PCSK5: variants seen among roughly 807,000 people sequenced by gnomAD.
PCSK5 encodes proprotein convertase subtilisin/kexin type 5, also known as prohormone convertase 5.
A neutral mutation model predicts 233.2 loss-of-function variants in PCSK5; 129 were observed. The observed-to-expected ratio is 0.55, with a 90% CI of 0.48 to 0.64. The LOEUF (loss-of-function observed/expected upper bound fraction) is 0.64. PCSK5 is among the 30% of genes least tolerant of loss of function. PCSK5 has a pLI of 0.00. For synonymous variants in PCSK5, 825 were observed against 879.2 expected (o/e 0.94, Z 1.09); for missense variants, 2,076 against 2,430.1 (o/e 0.85, Z 3.06).
At chr9:76,068,082 A>G in intron 6 of PCSK5, 39 bp downstream of exon 6, 5 of 1,429,874 alleles carry the variant, frequency 3.5e-6, no homozygotes, top group Non-Finnish European at 4.9e-6. Flanking sequence ...GAAATGCGCC[A>G]GTTAGCTCTT....
chr9:76,059,487 T>G (rs1829949929), intron 5 of PCSK5, among the ~76,000 whole-genome samples: 1 of 152,192 alleles, frequency 6.6e-6, no homozygotes, highest in African/African-American at 2.4e-5. Context: ...TTTTTATGGT[T>G]TTAGGTCTAA....
chr9:76,089,370 C>T (rs557713077), intron 7 of PCSK5, among the ~76,000 whole-genome samples: 6 of 152,224 alleles, frequency 3.9e-5, no homozygotes, highest in Admixed American at 1.3e-4. Context: ...CTCTTCAAGT[C>T]GACATATACA....
intron 9 of PCSK5, among the ~76,000 whole-genome samples, chr9:76,133,435 G>A (rs550257301): frequency 6.6e-6 from 1 of 152,072 alleles, no homozygotes; most frequent in South Asian, 2.1e-4. Context: ...TCTCTTTTGT[G>A]TTCTTCAGTG....
rs377253223 is a variant in PCSK5 at position 76,291,676 on chromosome 9, G to A, written c.3143-557G>A. Reference sequence around the variant, plus strand: ...AACCCTTCTGTGAGCCAGCAGGGATGCATTGAATCATTACTCTTAATGAGA... The same window carrying A: ...AACCCTTCTGTGAGCCAGCAGGGATACATTGAATCATTACTCTTAATGAGA... On this transcript the variant is annotated intron_variant, in intron 24 of 37. Coordinates refer to ENST00000674117, the MANE Select transcript of PCSK5 (RefSeq NM_001372043.1). Among the ~76,000 whole-genome samples the A allele has an allele frequency of 2.2e-4, 34 of 152,354 alleles. No homozygotes were observed. In the East Asian group the frequency reaches 4.6e-3, roughly 21 times the overall value.
intron 2 of PCSK5, among the ~76,000 whole-genome samples, chr9:75,939,994 A>G (rs1363839849): frequency 2.0e-5 from 3 of 152,182 alleles, no homozygotes; most frequent in South Asian, 2.1e-4. Flanking sequence ...AGCTATTCAT[A>G]TAACATTACT....
chr9:76,235,979 C>T (rs1826240988), intron 22 of PCSK5, among the ~76,000 whole-genome samples: 1 of 152,178 alleles, frequency 6.6e-6, no homozygotes, highest in Admixed American at 6.5e-5. Context: ...TTCATAAGCC[C>T]CTCCTACCAA....
chr9:76,315,641 A>ATT (rs777066898), intron 30 of PCSK5, among the ~76,000 whole-genome samples: 6 of 139,098 alleles, frequency 4.3e-5, no homozygotes, highest in Admixed American at 7.4e-5. Context: ...GGAGAAGACT[A>ATT]CTTTTTTTTT....
chr9:76,180,067 A>G (rs1458736691), intron 15 of PCSK5, among the ~76,000 whole-genome samples: 3 of 96,002 alleles, frequency 3.1e-5, no homozygotes, highest in Non-Finnish European at 6.2e-5. Flanking sequence ...CATGATGTTT[A>G]TATATATATG....
At chr9:75,977,670 G>A (rs1826084946) in intron 2 of PCSK5, among the ~76,000 whole-genome samples, 1 of 150,238 alleles carries the variant, frequency 6.7e-6, no homozygotes, top group Admixed American at 6.6e-5. Context: ...GAGTGCAGTA[G>A]CGTGATCTCA....
At chr9:76,172,710 T>G (rs1823380254) in intron 13 of PCSK5, among the ~76,000 whole-genome samples, 1 of 152,224 alleles carries the variant, frequency 6.6e-6, no homozygotes, top group Admixed American at 6.5e-5. Flanking sequence ...ATAAGGAAAA[T>G]GCGTTCTCTT....
chr9:76,354,299 GAA>G, intron 37 of PCSK5, 80 bp downstream of exon 37: 1 of 1,124,450 alleles, frequency 8.9e-7, no homozygotes, highest in Non-Finnish European at 1.3e-6. Context: ...GGGGGGGATG[GAA>G]AGTTCAGGAG....
chr9:76,254,111 A>G (rs569435361), intron 24 of PCSK5, among the ~76,000 whole-genome samples: 1 of 152,310 alleles, frequency 6.6e-6, no homozygotes, highest in Non-Finnish European at 1.5e-5. Flanking sequence ...AGGTTTCTCC[A>G]GGATGTGGCA....
chr9:76,346,111 T>C (rs116426219), intron 35 of PCSK5, among the ~76,000 whole-genome samples: 2,358 of 152,120 alleles, frequency 0.016, 54 homozygotes, highest in African/African-American at 0.054. Flanking sequence ...CATATAGCTG[T>C]CCAGCTATCC....
At chr9:76,041,168 T>G (rs1829100567) in intron 5 of PCSK5, among the ~76,000 whole-genome samples, 1 of 152,208 alleles carries the variant, frequency 6.6e-6, no homozygotes. Context: ...GAATTATATT[T>G]GAAGTAAAAA....
chr9:76,137,715 C>T (rs942144669), intron 10 of PCSK5, among the ~76,000 whole-genome samples: 21 of 151,920 alleles, frequency 1.4e-4, no homozygotes, highest in African/African-American at 5.1e-4. Context: ...TTAGATTGCC[C>T]ATGAGAATAG....
intron 2 of PCSK5, among the ~76,000 whole-genome samples, chr9:75,936,450 C>T (rs1824060699): frequency 6.6e-6 from 1 of 152,216 alleles, no homozygotes; most frequent in Admixed American, 6.5e-5. Flanking sequence ...GCTTTATTAA[C>T]TAAGTTTATG....
At position 75,908,949 on chromosome 9, in the gene PCSK5, A is replaced by G. The variant is rs76765555; in HGVS notation, c.192+17576A>G. 4.7e-3 allele frequency among the ~76,000 whole-genome samples: 418 copies of G among 88,074 alleles called. 2 individuals carry two copies. The highest frequency in any genetic ancestry group is 0.013 in the Middle Eastern group (2 of 150). The allele number at this position is 88,074 out of a possible 152,430, so 57.8% of individuals were successfully genotyped here. A position where few individuals can be genotyped will look rare whatever the true frequency, so the allele number is the denominator to read the frequency against. The stretch of plus-strand genomic sequence containing the variant: ...TCTCTATCTCTCTCTCTGTCTATCT[A>G]TCTATCTATCTATCTATCTATCTAT... On this transcript the variant is annotated intron_variant, in intron 1 of 37. Coordinates refer to ENST00000674117, the MANE Select transcript of PCSK5 (RefSeq NM_001372043.1).
intron 3 of PCSK5, among the ~76,000 whole-genome samples, chr9:75,989,243 A>G (rs1280845845): frequency 6.6e-6 from 1 of 152,186 alleles, no homozygotes; most frequent in Non-Finnish European, 1.5e-5. Context: ...GCTCTTATGT[A>G]TGAGTGGTAT....
At chr9:76,054,221 A>T (rs1829741807) in intron 5 of PCSK5, among the ~76,000 whole-genome samples, 1 of 152,198 alleles carries the variant, frequency 6.6e-6, no homozygotes, top group Admixed American at 6.5e-5. Flanking sequence ...ACAGTTCAAG[A>T]TGAGATTTGG....
Sources: allele counts gnomAD v4.1 joint callset (sites outside exome capture counted in the v4.1 genomes callset), GRCh38; gene constraint gnomAD v4.1.1; transcripts MANE v1.5; gene names NCBI Gene and HGNC (gene_info 2026-07-23, HGNC 2026-07-21).